KLRG1: variants seen among roughly 807,000 people sequenced by gnomAD.
KLRG1 encodes the protein killer cell lectin-like receptor subfamily G member 1.
A neutral mutation model predicts 21.8 loss-of-function variants in KLRG1; 16 were observed. The ratio of observed to expected loss-of-function variants is 0.73; its 90% CI spans 0.50 to 1.11. KLRG1 has a LOEUF of 1.11. KLRG1 is among the 50% of genes most tolerant of loss of function. The pLI, the probability that KLRG1 is intolerant of heterozygous loss-of-function variation, is 0.00. For missense variants in KLRG1, 173 were observed against 218.3 expected (o/e 0.79, Z 1.31); for synonymous variants, 69 against 75.9 (o/e 0.91, Z 0.47).
the KLRG1 span, chr12:9,154,619 G>T: frequency 6.2e-7 from 1 of 1,613,868 alleles, no homozygotes; most frequent in Non-Finnish European, 8.5e-7. Flanking sequence ...CACTGACCTG[G>T]GTGGAGGAGA....
chr12:9,040,350 G>T, the KLRG1 span, among the ~76,000 whole-genome samples: 1 of 152,128 alleles, frequency 6.6e-6, no homozygotes, highest in East Asian at 1.9e-4. Context: ...TCTGTGTTGG[G>T]CTATCCAAGT....
Position 8,995,485 on chromosome 12 carries a change from C to G in KLRG1, c.357+197C>G, listed in dbSNP as rs1196652747. ...CTGCCTTCTTCCCTCTCCCTCCCCA[C>G]TCTTTACCCTTATGCTGTCTGACCC... On this transcript the variant is annotated intron_variant, in intron 3 of 4. Coordinates refer to ENST00000356986, the MANE Select transcript of KLRG1 (RefSeq NM_005810.4). Among the ~76,000 whole-genome samples, 3 of 152,202 alleles carry G rather than the reference C, an allele frequency of 2.0e-5. No homozygotes were observed. The East Asian group carries it at 5.8e-4, about 29-fold the overall frequency.
At chr12:9,169,681 A>G in the KLRG1 span, 3 of 1,264,556 alleles carry the variant, frequency 2.4e-6, no homozygotes, top group Non-Finnish European at 2.1e-6. Flanking sequence ...ATTATCACCA[A>G]TCTTTTCTTG....
the KLRG1 span, among the ~76,000 whole-genome samples, chr12:9,168,290 G>A: frequency 1.3e-5 from 2 of 152,170 alleles, no homozygotes; most frequent in East Asian, 3.8e-4. Context: ...TTTGTGAGCA[G>A]ATGGATGTCA....
At chr12:9,181,999 C>A in the KLRG1 span, 3 of 1,613,592 alleles carry the variant, frequency 1.9e-6, no homozygotes, top group Non-Finnish European at 2.5e-6. Flanking sequence ...AGTTTTCAAT[C>A]TCAAATTTTT....
chr12:9,092,672 A>G, the KLRG1 span, among the ~76,000 whole-genome samples: 1 of 152,202 alleles, frequency 6.6e-6, no homozygotes, highest in Non-Finnish European at 1.5e-5. Context: ...GCAAATGTAC[A>G]TTGCCACAGC....
chr12:9,048,859 T>C, the KLRG1 span, among the ~76,000 whole-genome samples: 1 of 152,136 alleles, frequency 6.6e-6, no homozygotes, highest in Non-Finnish European at 1.5e-5. Context: ...GAAAATAAAA[T>C]GAAAGGTATA....
At chr12:9,048,449 T>C in the KLRG1 span, among the ~76,000 whole-genome samples, 1 of 151,902 alleles carries the variant, frequency 6.6e-6, no homozygotes, top group East Asian at 1.9e-4. Context: ...TGAACAAAAA[T>C]CCAAAAATCC....
chr12:8,955,375 A>ATTTTTTTT (rs61263683), intron 1 of KLRG1, among the ~76,000 whole-genome samples: 2 of 71,334 alleles, frequency 2.8e-5, no homozygotes, highest in Non-Finnish European at 2.6e-5. Flanking sequence ...TATTGCTCTG[A>ATTTTTTTT]TTTTTTTTTT....
chr12:9,115,930 C>A, the KLRG1 span: 1 of 1,163,496 alleles, frequency 8.6e-7, no homozygotes, highest in East Asian at 2.4e-5. Context: ...AAACACTTCC[C>A]AAAGCAACTG....
At chr12:9,117,780 G>A in the KLRG1 span, among the ~76,000 whole-genome samples, 3 of 152,124 alleles carry the variant, frequency 2.0e-5, no homozygotes, top group African/African-American at 7.2e-5. Flanking sequence ...ACCACATAAA[G>A]AGAAACATTA....
At chr12:9,109,978 T>G in the KLRG1 span, 1 of 1,613,762 alleles carries the variant, frequency 6.2e-7, no homozygotes, top group Non-Finnish European at 8.5e-7. Context: ...GAAAATTGCT[T>G]GAGGCCACCC....
the KLRG1 span, among the ~76,000 whole-genome samples, chr12:9,215,384 A>G: frequency 6.6e-6 from 1 of 152,028 alleles, no homozygotes; most frequent in Non-Finnish European, 1.5e-5. Context: ...AAGAAGAATT[A>G]CTAGGACTGA....
chr12:9,041,014 C>T, the KLRG1 span, among the ~76,000 whole-genome samples: 13 of 152,188 alleles, frequency 8.5e-5, no homozygotes, highest in African/African-American at 2.9e-4. Flanking sequence ...CACATCACTG[C>T]GTATCTTCCA....
the KLRG1 span, chr12:9,112,058 A>G: frequency 9.2e-6 from 10 of 1,081,860 alleles, no homozygotes; most frequent in South Asian, 1.0e-4. Context: ...ACTGTTAATG[A>G]TACCAGATTC....
chr12:9,036,703 A>T, the KLRG1 span: 1 of 273,894 alleles, frequency 3.7e-6, no homozygotes, highest in Admixed American at 4.7e-5. Context: ...ATCACAGGAA[A>T]CAAAAGTGGT....
the KLRG1 span, chr12:9,090,313 C>T: frequency 1.2e-6 from 2 of 1,613,382 alleles, no homozygotes; most frequent in South Asian, 1.1e-5. Context: ...CTGCCATATA[C>T]AATCTTTGAG....
chr12:9,002,910 T>TACACACACACAC (rs59706974), intron 3 of KLRG1, among the ~76,000 whole-genome samples: 4,593 of 144,656 alleles, frequency 0.032, 77 homozygotes, highest in African/African-American at 0.037. Flanking sequence ...CTCTTTCTAA[T>TACACACACACAC]ACACACACAC....
At chr12:9,030,373 T>C in the KLRG1 span, among the ~76,000 whole-genome samples, 1 of 152,196 alleles carries the variant, frequency 6.6e-6, no homozygotes, top group Non-Finnish European at 1.5e-5. Flanking sequence ...ATTCACCATG[T>C]TGTGCAGCCA....
Sources: allele counts gnomAD v4.1 joint callset (sites outside exome capture counted in the v4.1 genomes callset), GRCh38; gene constraint gnomAD v4.1.1; transcripts MANE v1.5; gene names NCBI Gene and HGNC (gene_info 2026-07-23, HGNC 2026-07-21).